ABLIM1: variants seen among roughly 807,000 people sequenced by gnomAD.
ABLIM1 encodes the protein actin-binding LIM protein 1.
A neutral mutation model predicts 107.0 loss-of-function variants in ABLIM1; 40 were observed. The observed-to-expected ratio is 0.37, with a 90% CI of 0.29 to 0.49. The LOEUF is 0.49. Ranked by LOEUF, ABLIM1 falls within the 20% of genes least tolerant of loss-of-function variation. The probability of loss-of-function intolerance (pLI) is 0.97; values close to 1 mark genes in which losing one functional copy is unlikely to be tolerated. For missense variants in ABLIM1, 857 were observed against 1,008.5 expected (o/e 0.85, Z 2.04); for synonymous variants, 357 against 357.3 (o/e 1.00, Z 0.01).
At chr10:114,775,719 A>T in the ABLIM1 span, among the ~76,000 whole-genome samples, 98,087 of 152,098 alleles carry the variant, frequency 0.64, 31,658 homozygotes, top group African/African-American at 0.68. Flanking sequence ...TTAAGTGACA[A>T]GCAGGATATA....
chr10:114,615,770 C>CA (rs2077091846), intron 1 of ABLIM1, among the ~76,000 whole-genome samples: 2 of 151,136 alleles, frequency 1.3e-5, no homozygotes, highest in Non-Finnish European at 1.5e-5. Flanking sequence ...CAATACCACT[C>CA]AACCGATGAC....
chr10:114,762,473 A>T (rs2082770086), intron 1 of ABLIM1, among the ~76,000 whole-genome samples: 1 of 152,254 alleles, frequency 6.6e-6, no homozygotes. Flanking sequence ...AATCAATAAA[A>T]ATCTATGTCC....
chr10:114,575,853 AAC>A (rs2072457863), intron 2 of ABLIM1, among the ~76,000 whole-genome samples: 1 of 152,216 alleles, frequency 6.6e-6, no homozygotes, highest in East Asian at 1.9e-4. Flanking sequence ...GAGATAATCA[AAC>A]AGTCTTTGAT....
At chr10:114,644,527 G>A (rs1006463791) in intron 1 of ABLIM1, among the ~76,000 whole-genome samples, 4 of 151,438 alleles carry the variant, frequency 2.6e-5, no homozygotes, top group African/African-American at 4.9e-5. Context: ...GGACCTTGTC[G>A]CATTCATTGC....
intron 1 of ABLIM1, among the ~76,000 whole-genome samples, chr10:114,646,324 C>T (rs1278469016): frequency 6.6e-6 from 1 of 152,154 alleles, no homozygotes; most frequent in Non-Finnish European, 1.5e-5. Flanking sequence ...AGCATTCAGC[C>T]ATAGCATCCA....
At chr10:114,475,948 G>A (rs1434626393) in intron 8 of ABLIM1, among the ~76,000 whole-genome samples, 1 of 152,120 alleles carries the variant, frequency 6.6e-6, no homozygotes, top group African/African-American at 2.4e-5. Flanking sequence ...AGTTTCTATT[G>A]GTGTTTAATA....
intron 1 of ABLIM1, among the ~76,000 whole-genome samples, chr10:114,665,816 G>A (rs957626973): frequency 1.9e-4 from 29 of 152,132 alleles, no homozygotes; most frequent in African/African-American, 6.3e-4. Context: ...ACTGAGACCC[G>A]GGAGAGTACT....
chr10:114,546,612 C>A (rs1032647869), intron 5 of ABLIM1, among the ~76,000 whole-genome samples: 2 of 152,066 alleles, frequency 1.3e-5, no homozygotes, highest in Non-Finnish European at 2.9e-5. Flanking sequence ...CCTTTCAGTG[C>A]AGGTGTTTCA....
chr10:114,555,427 G>A (rs561466446), intron 4 of ABLIM1, among the ~76,000 whole-genome samples: 2 of 152,234 alleles, frequency 1.3e-5, no homozygotes. Context: ...TTTCTCAAAT[G>A]CCCTTGAACC....
At chr10:114,530,490 C>T (rs2065330863) in intron 6 of ABLIM1, among the ~76,000 whole-genome samples, 1 of 152,080 alleles carries the variant, frequency 6.6e-6, no homozygotes, top group South Asian at 2.1e-4. Flanking sequence ...AGAAAAAAAT[C>T]ACTTGGGCCT....
intron 1 of ABLIM1, among the ~76,000 whole-genome samples, chr10:114,655,215 C>T (rs2079444452): frequency 1.3e-5 from 2 of 152,172 alleles, no homozygotes; most frequent in Admixed American, 6.5e-5. Flanking sequence ...AACCTCAAAG[C>T]CACACTTAAC....
intron 12 of ABLIM1, among the ~76,000 whole-genome samples, chr10:114,462,655 A>G (rs1237796891): frequency 6.6e-6 from 1 of 152,188 alleles, no homozygotes; most frequent in Non-Finnish European, 1.5e-5. Flanking sequence ...GTTACTAAAC[A>G]CTGTCGTGTT....
At chr10:114,595,546 G>T (rs1398767334) in intron 2 of ABLIM1, among the ~76,000 whole-genome samples, 1 of 152,294 alleles carries the variant, frequency 6.6e-6, no homozygotes, top group East Asian at 1.9e-4. Flanking sequence ...TGGGATGAAG[G>T]CTGTAATGGA....
chr10:114,499,737 A>T (rs973616639), intron 6 of ABLIM1, among the ~76,000 whole-genome samples: 3 of 152,230 alleles, frequency 2.0e-5, no homozygotes, highest in Non-Finnish European at 4.4e-5. Context: ...AGGAAGCCAA[A>T]GGGAGTAACA....
At chr10:114,644,943 C>CT (rs1241392533) in intron 1 of ABLIM1, among the ~76,000 whole-genome samples, 1 of 152,116 alleles carries the variant, frequency 6.6e-6, no homozygotes, top group Admixed American at 6.5e-5. Context: ...TCTGTACTTC[C>CT]TGAGGCCTGG....
chr10:114,631,207 T>C lies in ABLIM1; in HGVS notation c.244+26750A>G, dbSNP rs1316882313. Among the ~76,000 whole-genome samples the C allele has an allele frequency of 3.3e-5, 5 of 152,210 alleles. No homozygotes were observed. The East Asian group carries it at 5.8e-4, about 18-fold the overall frequency. ...CCGGAGAAACAAATCATTTCAACTATCATTCAATTCTGAAAAATGTACCTT... is the reference window on the plus strand; with the variant it reads ...CCGGAGAAACAAATCATTTCAACTACCATTCAATTCTGAAAAATGTACCTT... On this transcript the variant is annotated intron_variant, in intron 1 of 22. Transcript: ENST00000533213.
At chr10:114,767,963 C>T (rs2082944150) in intron 1 of ABLIM1, 1 of 375,296 alleles carries the variant, frequency 2.7e-6, no homozygotes, top group South Asian at 1.8e-5. Context: ...AGTTTCAGGC[C>T]GGGCTGGGGC....
intron 1 of ABLIM1, among the ~76,000 whole-genome samples, chr10:114,703,647 T>G (rs902755370): frequency 6.6e-6 from 1 of 152,228 alleles, no homozygotes; most frequent in African/African-American, 2.4e-5. Flanking sequence ...GAGGTCAGCA[T>G]TCAGTCATCT....
At chr10:114,714,375 T>C (rs1157384868) in intron 1 of ABLIM1, among the ~76,000 whole-genome samples, 1 of 151,586 alleles carries the variant, frequency 6.6e-6, no homozygotes, top group African/African-American at 2.4e-5. Context: ...TTTTCAGCCA[T>C]GGCACTCCTG....
Sources: gnomAD v4.1 joint callset for allele counts (sites outside exome capture counted in the v4.1 genomes callset) on GRCh38, gnomAD v4.1.1 for gene constraint, MANE v1.5 for transcripts, NCBI Gene and HGNC (gene_info 2026-07-23, HGNC 2026-07-21) for gene names.